Variants in ST6GAL2 observed in about 807,000 individuals in gnomAD.
ST6GAL2 encodes the protein ST6 beta-galactoside alpha-2,6-sialyltransferase 2, also known as beta-galactoside alpha-2,6-sialyltransferase 2.
A neutral mutation model predicts 37.5 loss-of-function variants in ST6GAL2; 24 were observed. The observed-to-expected ratio is 0.64, with a 90% CI of 0.46 to 0.90. The LOEUF (loss-of-function observed/expected upper bound fraction) is 0.90. Ranked by LOEUF, ST6GAL2 falls within the 40% of genes least tolerant of loss-of-function variation. The probability of loss-of-function intolerance (pLI) is 0.00; values close to 1 mark genes in which losing one functional copy is unlikely to be tolerated. For missense variants in ST6GAL2, 715 were observed against 712.7 expected (o/e 1.00, Z -0.04); for synonymous variants, 306 against 295.1 (o/e 1.04, Z -0.38).
intron 1 of ST6GAL2, among the ~76,000 whole-genome samples, chr2:106,866,693 C>T (rs907504488): frequency 6.6e-6 from 1 of 152,148 alleles, no homozygotes; most frequent in South Asian, 2.1e-4. Context: ...CTTATATTGG[C>T]CAAACACTTG....
intron 5 of ST6GAL2, among the ~76,000 whole-genome samples, chr2:106,828,313 G>T (rs988733978): frequency 6.6e-6 from 1 of 152,106 alleles, no homozygotes; most frequent in African/African-American, 2.4e-5. Context: ...CTATTATGCT[G>T]TCTAGGCATT....
Position 106,810,906 on chromosome 2 carries a change from G to T in ST6GAL2, c.1319-3957C>A, listed in dbSNP as rs186273771. Among the ~76,000 whole-genome samples the T allele has an allele frequency of 5.4e-3, 829 of 152,120 alleles. 3 individuals carry two copies. Among genetic ancestry groups the T allele is most frequent in the African/African-American group, 0.018 (766 of 41,420 alleles). ...GTTGAGGCTGCAGTGAGCCATGATT[G>T]TGCCACTGCACTCTCATGCTCACTG... On this transcript the variant is annotated intron_variant, in intron 5 of 5. Transcript: ENST00000409382.
At position 106,804,373 on chromosome 2, in the gene ST6GAL2, CA is replaced by C. The variant is rs1362370448; in HGVS notation, c.*2304del. 3 of 152,058 alleles carry C rather than the reference CA, an allele frequency of 2.0e-5. No homozygotes were observed. Among genetic ancestry groups the C allele is most frequent in the African/African-American group, 7.2e-5 (3 of 41,388 alleles). The allele number at this position is 152,058 out of a possible 1,614,324, so 9.4% of individuals were successfully genotyped here. A position where few individuals can be genotyped will look rare whatever the true frequency, so the allele number is the denominator to read the frequency against. ...GGATGTCTACAAGTAAATCCACTTG[CA>C]AAACTATAAAAGGAGCTTCAGGGGC... On this transcript the variant is annotated 3_prime_UTR_variant, in exon 6 of 6. Transcript: ENST00000409382.
intron 1 of ST6GAL2, among the ~76,000 whole-genome samples, chr2:106,876,098 C>T (rs1678492816): frequency 6.6e-6 from 1 of 152,160 alleles, no homozygotes; most frequent in Non-Finnish European, 1.5e-5. Flanking sequence ...TCCTGAGAAG[C>T]TGAGATTAAA....
At chr2:106,883,117 C>T (rs1448119) in intron 1 of ST6GAL2, among the ~76,000 whole-genome samples, 15,326 of 152,160 alleles carry the variant, frequency 0.1, 908 homozygotes, top group South Asian at 0.1. Context: ...CCAGGTCATA[C>T]TTCATCCCCT....
intron 3 of ST6GAL2, among the ~76,000 whole-genome samples, 190 bp from the exon 4 acceptor site, chr2:106,832,856 C>CT (rs201326989): frequency 4.4e-4 from 67 of 152,280 alleles, no homozygotes; most frequent in Non-Finnish European, 5.6e-4. Context: ...GAGGAAATTA[C>CT]TTTTTTTTAA....
At chr2:106,871,604 A>T (rs945084738) in intron 1 of ST6GAL2, among the ~76,000 whole-genome samples, 1 of 152,206 alleles carries the variant, frequency 6.6e-6, no homozygotes, top group Non-Finnish European at 1.5e-5. Flanking sequence ...CTATGCTTAA[A>T]TTATTTTATT....
chr2:106,879,707 G>A (rs969509759), intron 1 of ST6GAL2, among the ~76,000 whole-genome samples: 6 of 146,752 alleles, frequency 4.1e-5, no homozygotes, highest in East Asian at 2.0e-4. Context: ...TTATTATATA[G>A]ACCAATTATA....
intron 1 of ST6GAL2, among the ~76,000 whole-genome samples, chr2:106,877,927 G>A (rs1197719493): frequency 2.0e-5 from 3 of 152,216 alleles, no homozygotes; most frequent in Non-Finnish European, 4.4e-5. Flanking sequence ...TACTGTCTGG[G>A]TTGAGCAGGG....
In ST6GAL2 at chr2:106,803,130, T is replaced by C. The variant is rs939181211; in HGVS notation, c.*3548A>G. On this transcript the variant is annotated 3_prime_UTR_variant, in exon 6 of 6. Transcript: ENST00000409382. ...ACATGTAAGAGAGTGACCCAGCTAC[T>C]TTGATTTCCTAATTTTGAAAACGCT... 54 of 152,330 alleles carry C rather than the reference T, an allele frequency of 3.5e-4. 1 individual carries two copies. The highest frequency in any genetic ancestry group is 1.2e-3 in the African/African-American group (51 of 41,570). The allele number at this position is 152,330 out of a possible 1,614,324, so 9.4% of individuals were successfully genotyped here. A position where few individuals can be genotyped will look rare whatever the true frequency, so the allele number is the denominator to read the frequency against.
chr2:106,879,730 GACCAATTATATATTATTATATAT>G (rs1242071213), intron 1 of ST6GAL2, among the ~76,000 whole-genome samples: 47 of 146,102 alleles, frequency 3.2e-4, no homozygotes, highest in African/African-American at 1.0e-3. Flanking sequence ...TTATTATATA[GACCAATTATATATTATTATATAT>G]ACATATAGAC....
intron 1 of ST6GAL2, among the ~76,000 whole-genome samples, chr2:106,864,747 G>A (rs894247122): frequency 7.9e-5 from 12 of 152,206 alleles, no homozygotes; most frequent in African/African-American, 2.9e-4. Flanking sequence ...TGTATCGCCA[G>A]GCACAGATGC....
intron 5 of ST6GAL2, among the ~76,000 whole-genome samples, chr2:106,821,355 G>A (rs1458862896): frequency 1.3e-5 from 2 of 150,892 alleles, no homozygotes; most frequent in Admixed American, 1.3e-4. Flanking sequence ...GCTACTATGA[G>A]CAACTATAAT....
At chr2:106,808,562 TAGATC>T (rs755711948) in intron 5 of ST6GAL2, among the ~76,000 whole-genome samples, 2 of 152,048 alleles carry the variant, frequency 1.3e-5, no homozygotes, top group East Asian at 1.9e-4. Context: ...GCCCCTCCCT[TAGATC>T]AGCCTAAAGC....
intron 1 of ST6GAL2, among the ~76,000 whole-genome samples, chr2:106,873,232 G>T (rs911815576): frequency 6.6e-6 from 1 of 152,130 alleles, no homozygotes; most frequent in African/African-American, 2.4e-5. Flanking sequence ...CACAGGTAGG[G>T]GACAGCACAG....
At chr2:106,872,537 T>C (rs1286428379) in intron 1 of ST6GAL2, among the ~76,000 whole-genome samples, 2 of 152,232 alleles carry the variant, frequency 1.3e-5, no homozygotes, top group Non-Finnish European at 2.9e-5. Flanking sequence ...GGTCCCTGTG[T>C]CTAACGTAAA....
rs1675690999 is a variant in ST6GAL2, at chr2:106,813,566, T to A, written c.1319-6617A>T. 1.3e-5 allele frequency among the ~76,000 whole-genome samples: 2 copies of A among 152,226 alleles called. 1 individual carries two copies. Among genetic ancestry groups the A allele is most frequent in the South Asian group, 4.1e-4 (2 of 4,832 alleles). The stretch of plus-strand genomic sequence containing the variant: ...TATTTGATGTGTTATCAGAGTCTAG[T>A]ATAATCATTTAGCATTTAGCTTAAT... On this transcript the variant is annotated intron_variant, in intron 5 of 5. Transcript: ENST00000409382.
chr2:106,886,442 C>G (rs1445552008), upstream of ST6GAL2: 1 of 152,140 alleles, frequency 6.6e-6, no homozygotes, highest in Non-Finnish European at 1.5e-5. Context: ...GGGGCCAGCG[C>G]TGCTCCGCGC....
intron 1 of ST6GAL2, among the ~76,000 whole-genome samples, chr2:106,851,399 T>G (rs540105546): frequency 6.6e-6 from 1 of 152,078 alleles, no homozygotes. Context: ...CACAAAAGAG[T>G]GTTTAAATTC....
Sources: gnomAD v4.1 joint callset for allele counts (sites outside exome capture counted in the v4.1 genomes callset) on GRCh38, gnomAD v4.1.1 for gene constraint, MANE v1.5 for transcripts, NCBI Gene and HGNC (gene_info 2026-07-23, HGNC 2026-07-21) for gene names.